Variants in TAF3 observed in about 807,000 individuals in gnomAD.
The protein encoded by TAF3 is transcription initiation factor TFIID subunit 3.
Under a neutral mutation model 80.6 loss-of-function variants are expected in TAF3, and 7 were observed. The observed-to-expected ratio is 0.09, with a 90% CI of 0.05 to 0.16. TAF3 has a LOEUF of 0.16. TAF3 is among the 10% of genes least tolerant of loss of function. The pLI is 1.00. For synonymous variants in TAF3, 444 were observed against 446.1 expected (o/e 1.00, Z 0.06); for missense variants, 921 against 1,140.2 (o/e 0.81, Z 2.77).
chr10:7,963,203 C>T (rs1453674019), intron 2 of TAF3, among the ~76,000 whole-genome samples: 2 of 152,030 alleles, frequency 1.3e-5, no homozygotes, highest in Non-Finnish European at 2.9e-5. Context: ...CCTGTCATTC[C>T]TGATAATAAT....
chr10:7,905,686 C>G (rs1292675221), intron 2 of TAF3, among the ~76,000 whole-genome samples: 1 of 152,100 alleles, frequency 6.6e-6, no homozygotes, highest in Admixed American at 6.5e-5. Context: ...TCGAGACCAG[C>G]CTGGCCAACA....
At chr10:7,888,168 G>A (rs541143950) in intron 2 of TAF3, among the ~76,000 whole-genome samples, 23 of 119,074 alleles carry the variant, frequency 1.9e-4, no homozygotes, top group African/African-American at 6.1e-4. Flanking sequence ...TTTCCTGAAC[G>A]CTGTCTTCCT....
chr10:7,897,143 G>T (rs1837512167), intron 2 of TAF3, among the ~76,000 whole-genome samples: 1 of 152,164 alleles, frequency 6.6e-6, no homozygotes, highest in Non-Finnish European at 1.5e-5. Context: ...CACGTGAAGA[G>T]ATCAGGCCCG....
At chr10:7,942,712 G>A (rs968596737) in intron 2 of TAF3, among the ~76,000 whole-genome samples, 1 of 152,170 alleles carries the variant, frequency 6.6e-6, no homozygotes. Context: ...AAATCCAGGG[G>A]CCCCATCCCA....
intron 2 of TAF3, among the ~76,000 whole-genome samples, chr10:7,898,802 T>G (rs961422571): frequency 2.0e-5 from 3 of 152,174 alleles, no homozygotes; most frequent in African/African-American, 4.8e-5. Context: ...AAATTGTCTT[T>G]GTTTTCTTTG....
intron 2 of TAF3, among the ~76,000 whole-genome samples, chr10:7,935,743 G>A (rs1837913126): frequency 6.6e-6 from 1 of 152,154 alleles, no homozygotes; most frequent in South Asian, 2.1e-4. Flanking sequence ...GTCCACTGGG[G>A]AAGCACATTC....
chr10:7,838,366 T>TTTTG (rs1554775945), intron 2 of TAF3, among the ~76,000 whole-genome samples: 1 of 151,516 alleles, frequency 6.6e-6, no homozygotes, highest in Non-Finnish European at 1.5e-5. Flanking sequence ...TTTGTTTTTT[T>TTTTG]TTGTTGTTGT....
In TAF3 at chr10:7,863,624, A is replaced by ATAT. The variant is rs1449874157; in HGVS notation, c.409+39064_409+39065insTAT. Reference sequence around the variant, plus strand: ...AACTCTGTCTAAAAAAAAAAAAAAAAAAATATATATATATATATATATACA... The same window carrying ATAT: ...AACTCTGTCTAAAAAAAAAAAAAAAATATAAATATATATATATATATATATACA... On this transcript the variant is annotated intron_variant, in intron 2 of 6. Coordinates refer to ENST00000344293, the MANE Select transcript of TAF3 (RefSeq NM_031923.4). 1.3e-3 allele frequency among the ~76,000 whole-genome samples: 75 copies of ATAT among 58,076 alleles called. 4 individuals are homozygous for ATAT. In the East Asian group the frequency reaches 0.014, roughly 11 times the overall value. 38.1% of individuals were successfully genotyped at this position (58,076 alleles called of 152,430 possible).
chr10:7,993,530 C>T (rs1831854508), intron 4 of TAF3, among the ~76,000 whole-genome samples: 1 of 152,160 alleles, frequency 6.6e-6, no homozygotes, highest in South Asian at 2.1e-4. Context: ...ATCTTTTGTT[C>T]AGCAGAATAT....
At chr10:7,909,758 G>T (rs1406463810) in intron 2 of TAF3, among the ~76,000 whole-genome samples, 2 of 152,216 alleles carry the variant, frequency 1.3e-5, no homozygotes, top group South Asian at 2.1e-4. Flanking sequence ...CTTTATAAAG[G>T]TATCTTTATT....
At chr10:7,946,965 C>G (rs555455352) in intron 2 of TAF3, among the ~76,000 whole-genome samples, 1 of 152,296 alleles carries the variant, frequency 6.6e-6, no homozygotes, top group South Asian at 2.1e-4. Flanking sequence ...TCTCGCTACA[C>G]TGCCCAGGCT....
chr10:7,962,805 A>G (rs1831523105), intron 2 of TAF3, among the ~76,000 whole-genome samples: 1 of 152,164 alleles, frequency 6.6e-6, no homozygotes, highest in South Asian at 2.1e-4. Flanking sequence ...CATATCTGTT[A>G]TTGCTGCACT....
intron 2 of TAF3, among the ~76,000 whole-genome samples, chr10:7,911,746 A>G (rs533744998): frequency 6.6e-6 from 1 of 152,342 alleles, no homozygotes; most frequent in South Asian, 2.1e-4. Flanking sequence ...TTACGTAACA[A>G]ATAAGCAGTG....
At chr10:7,857,339 A>G (rs755536602) in intron 2 of TAF3, among the ~76,000 whole-genome samples, 1 of 152,224 alleles carries the variant, frequency 6.6e-6, no homozygotes, top group East Asian at 1.9e-4. Context: ...TCACAGGTAC[A>G]TAGTTTTATC....
chr10:8,014,643 T>C lies in TAF3; in HGVS notation c.2682T>C (p.Cys894=). The change falls in exon 7 of 7, where the codon TGT becomes TGC. Residue 894 remains cysteine (C), a synonymous_variant. Coordinates refer to ENST00000344293, the MANE Select transcript of TAF3 (RefSeq NM_031923.4). ...DDCDDWYHWP[C]VGIMTAPPEE... ...AGCTTGTTTTCACGTGCAGGCCCTG[T>C]GTTGGAATCATGACTGCACCCCCAG... is the stretch of plus-strand genomic sequence containing the variant. 3 of 1,612,666 alleles carry C rather than the reference T, an allele frequency of 1.9e-6. No individual in the cohort carries two copies. Among genetic ancestry groups the C allele is most frequent in the Non-Finnish European group, 2.5e-6 (3 of 1,179,316 alleles).
chr10:7,996,874 TG>T (rs1472103855), intron 4 of TAF3, among the ~76,000 whole-genome samples: 1 of 151,490 alleles, frequency 6.6e-6, no homozygotes, highest in African/African-American at 2.4e-5. Context: ...TTTGTATTTT[TG>T]TAGAGACGAG....
intron 3 of TAF3, among the ~76,000 whole-genome samples, chr10:7,972,785 C>G (rs898962379): frequency 6.6e-5 from 10 of 152,036 alleles, no homozygotes; most frequent in Non-Finnish European, 1.2e-4. Context: ...CGTTGAAAAC[C>G]CAGCTAGTTT....
chr10:8,014,727 G>T lies in TAF3; in HGVS notation c.2766G>T (p.Lys922Asn), dbSNP rs1180280129. The T allele has an allele frequency of 6.2e-7, 1 of 1,605,574 alleles. No homozygotes were observed. Among genetic ancestry groups the T allele is most frequent in the African/African-American group, 1.3e-5 (1 of 74,800 alleles). Reference protein sequence around the residue: ...CANKKKDKKHKKRKHRAH With the variant: ...CANKKKDKKHNKRKHRAH ...ACAAGAAGAAGGACAAAAAGCACAA[G>T]AAGAGGAAGCATCGAGCCCACTGAC... is the stretch of plus-strand genomic sequence containing the variant. The change falls in exon 7 of 7, where the codon AAG becomes AAT. Residue 922 changes from lysine (K) to asparagine (N), a missense_variant. Around this residue, in one of 6 missense-constraint regions of TAF3, gnomAD observed 29 missense variants for 20.3 expected, o/e 1.43. Coordinates refer to ENST00000344293, the MANE Select transcript of TAF3 (RefSeq NM_031923.4).
intron 2 of TAF3, among the ~76,000 whole-genome samples, chr10:7,911,813 C>A (rs1380446264): frequency 6.6e-6 from 1 of 152,174 alleles, no homozygotes; most frequent in Non-Finnish European, 1.5e-5. Context: ...CCATTTTGGT[C>A]GACAGCCACA....
Sources: gnomAD v4.1 joint callset for allele counts (sites outside exome capture counted in the v4.1 genomes callset) on GRCh38, gnomAD v4.1.1 for gene constraint, gnomAD v4.1.1 regional missense constraint, MANE v1.5 for transcripts, NCBI Gene and HGNC (gene_info 2026-07-23, HGNC 2026-07-21) for gene names.